PACC1: variants seen among roughly 807,000 people sequenced by gnomAD.
PACC1 encodes proton activated chloride channel 1.
Under a neutral mutation model 39.7 loss-of-function variants are expected in PACC1, and 34 were observed. The ratio of observed to expected loss-of-function variants is 0.86; its 90% confidence interval spans 0.65 to 1.14. The LOEUF (loss-of-function observed/expected upper bound fraction) is 1.14, where lower values mean the gene tolerates loss of function less well. PACC1 is among the 50% of genes most tolerant of loss of function. PACC1 has a pLI of 0.00. For synonymous variants in PACC1, 127 were observed against 160.6 expected, an observed-to-expected ratio of 0.79 and a Z score of 1.58; for missense variants, 379 against 436.4, an observed-to-expected ratio of 0.87 and a Z score of 1.17.
chr1:212,383,486 T>C (rs184177244), intron 4 of PACC1, among the ~76,000 whole-genome samples: 35 of 152,348 alleles, frequency 2.3e-4, no homozygotes, highest in African/African-American at 7.7e-4. Flanking sequence ...TAACTCCACA[T>C]TGGAATTGTT....
chr1:212,388,804 C>G (rs977397103), intron 2 of PACC1, among the ~76,000 whole-genome samples: 2 of 152,184 alleles, frequency 1.3e-5, no homozygotes, highest in African/African-American at 4.8e-5. Flanking sequence ...GATACTCCCA[C>G]AGGGCTCCCT....
chr1:212,368,377 TCAAA>T (rs1267507273), intron 7 of PACC1, among the ~76,000 whole-genome samples: 1 of 152,000 alleles, frequency 6.6e-6, no homozygotes, highest in Non-Finnish European at 1.5e-5. Flanking sequence ...TACAATCTCA[TCAAA>T]CAGACTAAGG....
intron 2 of PACC1, among the ~76,000 whole-genome samples, chr1:212,396,328 A>G (rs1558178244): frequency 6.6e-6 from 1 of 152,182 alleles, no homozygotes; most frequent in Non-Finnish European, 1.5e-5. Context: ...TCAGCAAACT[A>G]TCACAAGGAC....
chr1:212,395,041 C>T (rs1661463084), intron 2 of PACC1, among the ~76,000 whole-genome samples: 1 of 152,160 alleles, frequency 6.6e-6, no homozygotes, highest in Non-Finnish European at 1.5e-5. Context: ...AATGCCATCC[C>T]CATCAAGCTA....
intron 7 of PACC1, among the ~76,000 whole-genome samples, chr1:212,371,966 A>G (rs1290273983): frequency 6.6e-6 from 1 of 152,210 alleles, no homozygotes; most frequent in Non-Finnish European, 1.5e-5. Flanking sequence ...AGCATTTAAT[A>G]AAATTCAACA....
rs140511096 is a variant in PACC1, at chr1:212,365,978, T to A, written c.892-602A>T. 1.4e-3 allele frequency among the ~76,000 whole-genome samples: 210 copies of A among 152,356 alleles called. 1 individual carries two copies. The highest frequency in any genetic ancestry group is 4.8e-3 in the African/African-American group (198 of 41,584). ...AAGTGTTTCCTCATTTCTAGTCCAA[T>A]GGCTGTCTTTCCTCCCAAACTCAGA... On this transcript the variant is annotated intron_variant, in intron 7 of 7. Coordinates refer to ENST00000261455, the MANE Select transcript of PACC1 (RefSeq NM_018252.3).
intron 4 of PACC1, among the ~76,000 whole-genome samples, chr1:212,384,524 T>C (rs1379593864): frequency 1.3e-5 from 2 of 152,244 alleles, no homozygotes; most frequent in South Asian, 2.1e-4. Flanking sequence ...ATGTCGTCTC[T>C]TCCCTTTAGG....
chr1:212,394,950 T>A (rs1409207940), intron 2 of PACC1, among the ~76,000 whole-genome samples: 1 of 152,194 alleles, frequency 6.6e-6, no homozygotes, highest in South Asian at 2.1e-4. Context: ...CACAAACAAA[T>A]GGAAGAACAT....
chr1:212,365,171 G>A lies in PACC1; in HGVS notation c.*44C>T. 1 of 1,581,708 alleles carries A rather than the reference G, an allele frequency of 6.3e-7. No homozygotes were observed. The highest frequency in any genetic ancestry group is 8.6e-7 in the Non-Finnish European group (1 of 1,162,008). ...CGTTTACAAAGTGGAAGTGATGACA[G>A]CTCCCATTGATGTGGACAGTTCTCT... On this transcript the variant is annotated 3_prime_UTR_variant, in exon 8 of 8. Transcript: ENST00000261455.
chr1:212,370,164 CA>C (rs1660392581), intron 7 of PACC1, among the ~76,000 whole-genome samples: 1 of 152,138 alleles, frequency 6.6e-6, no homozygotes, highest in African/African-American at 2.4e-5. Context: ...ACCTAACTGA[CA>C]TTTACAAAAC....
chr1:212,397,128 T>C (rs966304802), intron 2 of PACC1, among the ~76,000 whole-genome samples: 3 of 151,964 alleles, frequency 2.0e-5, no homozygotes, highest in African/African-American at 4.8e-5. Flanking sequence ...AACTCTCAGA[T>C]GTAAAGAGCA....
chr1:212,414,614 G>C, intron 1 of PACC1, 108 bp downstream of exon 1: 1 of 1,382,974 alleles, frequency 7.2e-7, no homozygotes, highest in African/African-American at 1.4e-5. Context: ...TCCCTCGGAA[G>C]AGCCCTCTGC....
Position 212,414,782 on chromosome 1 carries a change from C to T in PACC1, c.-25G>A. ...TGGCACTGACCAGAGCTTCGGCACA[C>T]CTGAGACCGCCCCAGCCCGCGGCGC... is the stretch of plus-strand genomic sequence containing the variant. On this transcript the variant is annotated 5_prime_UTR_variant, in exon 1 of 8. In the 5' UTR this introduces an upstream ATG that the reference lacks. Transcript: ENST00000261455. 6.2e-7 allele frequency: 1 copy of T among 1,611,124 alleles called. No individual in the cohort carries two copies. Among genetic ancestry groups the T allele is most frequent in the Non-Finnish European group, 8.5e-7 (1 of 1,177,640 alleles).
chr1:212,402,272 T>C (rs572420092), intron 2 of PACC1, among the ~76,000 whole-genome samples: 2 of 152,222 alleles, frequency 1.3e-5, no homozygotes, highest in Non-Finnish European at 2.9e-5. Context: ...CCATTTTACA[T>C]TCCTATCAGC....
intron 1 of PACC1, among the ~76,000 whole-genome samples, chr1:212,414,277 G>GA (rs1461254658): frequency 6.6e-6 from 1 of 152,250 alleles, no homozygotes; most frequent in Non-Finnish European, 1.5e-5. Flanking sequence ...CTTGGGCTTG[G>GA]AGGGGGAGGA....
At chr1:212,370,737 T>C (rs994079686) in intron 7 of PACC1, among the ~76,000 whole-genome samples, 1 of 152,130 alleles carries the variant, frequency 6.6e-6, no homozygotes, top group South Asian at 2.1e-4. Context: ...TTAACATTTA[T>C]TGAACAAATG....
intron 2 of PACC1, among the ~76,000 whole-genome samples, chr1:212,393,815 G>A (rs985329424): frequency 3.3e-5 from 5 of 151,826 alleles, no homozygotes; most frequent in East Asian, 1.9e-4. Flanking sequence ...ACACCTCTAC[G>A]CAAATAAACT....
intron 4 of PACC1, among the ~76,000 whole-genome samples, chr1:212,384,977 G>C (rs778101865): frequency 2.0e-5 from 3 of 151,964 alleles, no homozygotes; most frequent in Non-Finnish European, 4.4e-5. Flanking sequence ...TCGCTATATC[G>C]CACCAGCCCC....
intron 7 of PACC1, among the ~76,000 whole-genome samples, chr1:212,370,657 C>A (rs537862792): frequency 6.6e-6 from 1 of 152,124 alleles, no homozygotes; most frequent in East Asian, 1.9e-4. Flanking sequence ...GGAAACTGTA[C>A]AAATACATGG....
Sources: gnomAD v4.1 joint callset for allele counts (sites outside exome capture counted in the v4.1 genomes callset) on GRCh38, gnomAD v4.1.1 for gene constraint, MANE v1.5 for transcripts, NCBI Gene and HGNC (gene_info 2026-07-23, HGNC 2026-07-21) for gene names.